The following PCBP3 variants were observed in gnomAD, a reference collection of about 807,000 sequenced individuals.
The protein encoded by PCBP3 is poly(rC)-binding protein 3.
A neutral mutation model predicts 52.7 loss-of-function variants in PCBP3; 25 were observed. The observed-to-expected ratio is 0.47, with a 90% CI of 0.35 to 0.66. The LOEUF (loss-of-function observed/expected upper bound fraction) is 0.66, where lower values mean the gene tolerates loss of function less well. Ranked by LOEUF, PCBP3 falls within the 30% of genes least tolerant of loss-of-function variation. The pLI is 0.01. For synonymous variants in PCBP3, 162 were observed against 183.0 expected, an observed-to-expected ratio of 0.89 and a Z score of 0.93; for missense variants, 391 against 490.3, an observed-to-expected ratio of 0.80 and a Z score of 1.91.
intron 14 of PCBP3, among the ~76,000 whole-genome samples, chr21:45,930,420 G>A (rs1180593896): frequency 6.6e-6 from 1 of 152,182 alleles, no homozygotes; most frequent in South Asian, 2.1e-4. Context: ...AAGCCACTGC[G>A]TATCCCAAGG....
intron 9 of PCBP3, 92 bp downstream of exon 9, chr21:45,901,205 G>A: frequency 1.1e-6 from 1 of 902,670 alleles, no homozygotes. Flanking sequence ...ACCTGGACTA[G>A]GGGATGCCCC....
chr21:45,940,099 A>C lies in PCBP3; in HGVS notation c.979A>C (p.Ile327Leu), dbSNP rs1282365892. 2 of 1,614,176 alleles carry C rather than the reference A, an allele frequency of 1.2e-6. No homozygotes were observed. Among genetic ancestry groups the C allele is most frequent in the East Asian group, 4.5e-5 (2 of 44,884 alleles). The change falls in exon 17 of 18, where the codon ATC becomes CTC. Residue 327 changes from isoleucine to leucine, a missense_variant. Ile to Leu is a conservative substitution (Grantham distance 5). Coordinates refer to ENST00000681687, the MANE Select transcript of PCBP3 (RefSeq NM_001384156.1). ...AATTCGACAGATGTCTGGAGCTCAG[A>C]TCAAAATCGCCAACGCCACGGAAGG... is the stretch of plus-strand genomic sequence containing the variant. ...NEIRQMSGAQ[I>L]KIANATEGSS...
chr21:45,690,983 A>G (rs907013379), intron 2 of PCBP3, among the ~76,000 whole-genome samples: 34 of 152,268 alleles, frequency 2.2e-4, no homozygotes, highest in Middle Eastern at 3.4e-3. Flanking sequence ...CGTAGCACTT[A>G]CCGTATACCA....
At chr21:45,790,390 C>T (rs1183516631) in intron 4 of PCBP3, among the ~76,000 whole-genome samples, 1 of 152,144 alleles carries the variant, frequency 6.6e-6, no homozygotes, top group East Asian at 1.9e-4. Flanking sequence ...GCACTTGCAT[C>T]GAGGGCAGCC....
chr21:45,939,746 C>G (rs2077253266), intron 16 of PCBP3, among the ~76,000 whole-genome samples: 2 of 152,208 alleles, frequency 1.3e-5, no homozygotes. Flanking sequence ...AGTGACTGTG[C>G]CTCTTGGCTG....
chr21:45,839,112 G>A (rs2093648035), intron 4 of PCBP3, among the ~76,000 whole-genome samples: 1 of 151,840 alleles, frequency 6.6e-6, no homozygotes. Flanking sequence ...TCACTTTTAG[G>A]AAGGTTTGTA....
chr21:45,930,187 G>A (rs952471845), intron 14 of PCBP3, among the ~76,000 whole-genome samples, 192 bp downstream of exon 14: 2 of 152,106 alleles, frequency 1.3e-5, no homozygotes, highest in Admixed American at 1.3e-4. Context: ...GGTGGGTCTC[G>A]CTCCCACTGT....
At chr21:45,861,665 C>A (rs11089025) in intron 5 of PCBP3, among the ~76,000 whole-genome samples, 117,714 of 152,154 alleles carry the variant, frequency 0.77, 46,043 homozygotes, top group East Asian at 1. Flanking sequence ...GCTTGCAGAC[C>A]GCACCGAGGG....
At chr21:45,763,056 G>A (rs944782049) in intron 4 of PCBP3, 3 of 152,206 alleles carry the variant, frequency 2.0e-5, no homozygotes, top group African/African-American at 7.2e-5. Flanking sequence ...GCTTGTTTAG[G>A]ATTGAGGTTG....
chr21:45,764,949 C>T (rs183287874), intron 4 of PCBP3, among the ~76,000 whole-genome samples: 1 of 152,256 alleles, frequency 6.6e-6, no homozygotes, highest in Non-Finnish European at 1.5e-5. Context: ...TGGAGCTGGA[C>T]AGGAAGGATC....
Position 45,802,022 on chromosome 21 carries a change from C to T in PCBP3, c.-126+46570C>T, listed in dbSNP as rs779155524. Among the ~76,000 whole-genome samples, 1 of 152,188 alleles carries T rather than the reference C, an allele frequency of 6.6e-6. No individual in the cohort carries two copies. Among genetic ancestry groups the T allele is most frequent in the Non-Finnish European group, 1.5e-5 (1 of 68,024 alleles). ...ACACTGACTGTCCCTCTGTGGCTCT[C>T]GGGGTCTCCCCTCCTCTTCCTTGAG... On this transcript the variant is annotated intron_variant, in intron 4 of 17. Transcript: ENST00000681687. This position sits in a 1 kb window ranked among gnomAD's most constrained non-coding sequence, Gnocchi z 5.1.
At chr21:45,884,592 G>A (rs2095476156) in intron 5 of PCBP3, among the ~76,000 whole-genome samples, 1 of 151,332 alleles carries the variant, frequency 6.6e-6, no homozygotes, top group Non-Finnish European at 1.5e-5. Context: ...ACAGGATCTT[G>A]CTCTGTTGCC....
chr21:45,745,520 C>T (rs1457858515), intron 3 of PCBP3, among the ~76,000 whole-genome samples: 1 of 152,184 alleles, frequency 6.6e-6, no homozygotes, highest in Non-Finnish European at 1.5e-5. Flanking sequence ...CCCAGATGCA[C>T]CTCGTGTGTT....
intron 4 of PCBP3, among the ~76,000 whole-genome samples, chr21:45,847,418 A>C (rs2093839373): frequency 6.6e-6 from 1 of 152,094 alleles, no homozygotes; most frequent in Non-Finnish European, 1.5e-5. Context: ...TTTCTCTTTT[A>C]GTCTGTGCTC....
intron 5 of PCBP3, among the ~76,000 whole-genome samples, chr21:45,852,890 A>C (rs541470054): frequency 1.8e-4 from 27 of 152,392 alleles, no homozygotes; most frequent in African/African-American, 6.3e-4. Flanking sequence ...TAATACAGTA[A>C]CTTTTATAGA....
intron 3 of PCBP3, among the ~76,000 whole-genome samples, chr21:45,753,196 G>C (rs2087709786): frequency 6.9e-6 from 1 of 144,658 alleles, no homozygotes; most frequent in East Asian, 2.1e-4. Flanking sequence ...TATGACAGTT[G>C]TGTTCAAATA....
chr21:45,819,733 G>A (rs774495127), intron 4 of PCBP3, among the ~76,000 whole-genome samples: 17 of 152,240 alleles, frequency 1.1e-4, no homozygotes, highest in South Asian at 4.1e-4. Flanking sequence ...GCTCAAGGCC[G>A]GGGCCAGAGG....
intron 4 of PCBP3, among the ~76,000 whole-genome samples, chr21:45,776,892 G>A (rs2090304488): frequency 6.6e-6 from 1 of 152,130 alleles, no homozygotes; most frequent in Non-Finnish European, 1.5e-5. Flanking sequence ...CTGTCGTATG[G>A]TTGTTTTCTT....
At chr21:45,792,251 A>C (rs1396142838) in intron 4 of PCBP3, among the ~76,000 whole-genome samples, 1 of 152,270 alleles carries the variant, frequency 6.6e-6, no homozygotes, top group East Asian at 1.9e-4. Flanking sequence ...AGGTGGCAGC[A>C]ACCCGCAGAG....
Sources: allele counts gnomAD v4.1 joint callset (sites outside exome capture counted in the v4.1 genomes callset), GRCh38; gene constraint gnomAD v4.1.1; non-coding constraint Gnocchi (gnomAD v3.1); transcripts MANE v1.5; gene names NCBI Gene and HGNC (gene_info 2026-07-23, HGNC 2026-07-21).